MS4A12: variants seen among roughly 807,000 people sequenced by gnomAD.
MS4A12 encodes membrane spanning 4-domains A12.
MS4A12 carries 28 observed loss-of-function variants against 23.7 expected under a neutral mutation model. The observed-to-expected ratio is 1.18, with a 90% confidence interval of 0.88 to 1.62. The LOEUF is 1.62. Among genes scored for constraint, MS4A12 ranks in the 40% most tolerant of loss-of-function variants. The pLI is 0.00. For missense variants in MS4A12, 342 were observed against 327.0 expected (o/e 1.05, Z -0.35); for synonymous variants, 108 against 110.1 (o/e 0.98, Z 0.12).
intron 2 of MS4A12, among the ~76,000 whole-genome samples, chr11:60,499,854 A>G (rs2086516707): frequency 1.3e-5 from 2 of 152,230 alleles, no homozygotes; most frequent in African/African-American, 4.8e-5. Flanking sequence ...ATCTTTATTT[A>G]CAATGAAGGA....
chr11:60,497,589 C>G lies in MS4A12; in HGVS notation c.271C>G (p.Leu91Val), dbSNP rs78337068. ...VMNFKEEAKA[L>V]GVIQIMVGLM... ...GAACTTTAAAGAAGAAGCAAAGGCA[C>G]TAGGGGTAAGTCTATTTACTACCAG... Residue 91 changes from leucine (L) to valine (V), a missense_variant, in exon 2 of 7, where the codon CTA becomes GTA. By Grantham distance (32) the Leu-to-Val change is conservative. Transcript: ENST00000016913. 1.2e-4 allele frequency: 199 copies of G among 1,613,916 alleles called. No individual in the cohort carries two copies. The East Asian group carries it at 3.7e-3, about 30-fold the overall frequency.
At chr11:60,501,427 C>G (rs80178357) in intron 3 of MS4A12, among the ~76,000 whole-genome samples, 1 of 152,092 alleles carries the variant, frequency 6.6e-6, no homozygotes, top group Non-Finnish European at 1.5e-5. Context: ...GGAGCTTATT[C>G]CATTCTTTAA....
chr11:60,495,628 A>T (rs1415720684), intron 1 of MS4A12, among the ~76,000 whole-genome samples: 1 of 152,154 alleles, frequency 6.6e-6, no homozygotes, highest in Non-Finnish European at 1.5e-5. Context: ...TCTATTTTAC[A>T]GACAGAAAAC....
rs1190923139 is a variant in MS4A12, at chr11:60,497,406, T to G, written c.88T>G (p.Phe30Val). The G allele has an allele frequency of 6.2e-7, 1 of 1,614,068 alleles. No homozygotes were observed. Among genetic ancestry groups the G allele is most frequent in the Non-Finnish European group, 8.5e-7 (1 of 1,180,046 alleles). ...YPPSSFMAPGFQQPLGSINLE... is the reference protein window; with the variant it reads ...YPPSSFMAPGVQQPLGSINLE... ...ACCAAGCAGCTTTATGGCTCCTGGA[T>G]TTCAACAGCCTCTGGGTTCAATCAA... Residue 30 changes from phenylalanine (F) to valine (V), a missense_variant, in exon 2 of 7, where the codon TTT (phenylalanine) becomes GTT (valine). Transcript: ENST00000016913.
intron 2 of MS4A12, among the ~76,000 whole-genome samples, chr11:60,498,606 C>T (rs1428757126): frequency 1.3e-4 from 20 of 152,124 alleles, no homozygotes; most frequent in East Asian, 3.9e-4. Context: ...ACAGAACTTA[C>T]GCCCTAGAGG....
rs752914268 is a variant in MS4A12, at chr11:60,506,678, G to T, written c.589-50G>T. 13 of 1,472,410 alleles carry T rather than the reference G, an allele frequency of 8.8e-6. No homozygotes were observed. The South Asian group carries it at 1.2e-4, about 13-fold the overall frequency. 91.2% of individuals were successfully genotyped at this position (1,472,410 alleles called of 1,614,324 possible). A position where few individuals can be genotyped will look rare whatever the true frequency, so the allele number is the denominator to read the frequency against. On this transcript the variant is annotated intron_variant, in intron 5 of 6. Coordinates refer to ENST00000016913, the MANE Select transcript of MS4A12 (RefSeq NM_017716.3). ...GAGTCAATAACTTTTTGAAGCCCAC[G>T]TGAGGCCCTCCTGATTAGCCAAAAT... is the stretch of plus-strand genomic sequence containing the variant.
intron 4 of MS4A12, among the ~76,000 whole-genome samples, chr11:60,503,407 T>C (rs2086545621): frequency 6.6e-6 from 1 of 152,200 alleles, no homozygotes; most frequent in Non-Finnish European, 1.5e-5. Context: ...CATTTTTTTA[T>C]AAAGAAAATA....
intron 2 of MS4A12, among the ~76,000 whole-genome samples, chr11:60,499,331 A>C (rs2086513009): frequency 6.6e-6 from 1 of 152,236 alleles, no homozygotes; most frequent in Non-Finnish European, 1.5e-5. Flanking sequence ...AGTAGATGGT[A>C]CAGCCAGGGC....
chr11:60,498,029 A>C (rs1372270916), intron 2 of MS4A12: 1 of 167,346 alleles, frequency 6.0e-6, no homozygotes, highest in Non-Finnish European at 1.3e-5. Flanking sequence ...GTGTGAAAGA[A>C]TTGGGGGACA....
intron 1 of MS4A12, among the ~76,000 whole-genome samples, chr11:60,496,110 A>C (rs994492727): frequency 6.6e-6 from 1 of 152,242 alleles, no homozygotes; most frequent in Admixed American, 6.5e-5. Flanking sequence ...GGAATGAGAC[A>C]GGATAAATGG....
intron 3 of MS4A12, among the ~76,000 whole-genome samples, 200 bp downstream of exon 3, chr11:60,501,382 T>A (rs560789962): frequency 6.6e-6 from 1 of 152,238 alleles, no homozygotes; most frequent in South Asian, 2.1e-4. Context: ...TGAATGAGCA[T>A]GAAAAAATCG....
intron 5 of MS4A12, among the ~76,000 whole-genome samples, chr11:60,505,796 G>A (rs2086565913): frequency 6.6e-6 from 1 of 152,158 alleles, no homozygotes; most frequent in Non-Finnish European, 1.5e-5. Flanking sequence ...CAGGACCTCA[G>A]GAGACAGAAG....
chr11:60,506,929 G>C, intron 6 of MS4A12, 91 bp downstream of exon 6: 1 of 1,519,984 alleles, frequency 6.6e-7, no homozygotes, highest in African/African-American at 1.4e-5. Flanking sequence ...CGGCTTACCA[G>C]AATGCTCTTT....
rs1222211165 is a variant in MS4A12 at position 60,507,134 on chromosome 11, A to C, written c.*10A>C. On this transcript the variant is annotated 3_prime_UTR_variant, in exon 7 of 7. Coordinates refer to ENST00000016913, the MANE Select transcript of MS4A12 (RefSeq NM_017716.3). Reference sequence around the variant, plus strand: ...TAATGCCCCTAAATAGTAAAAGAAAAAGGGGTATCAGTCTAATCTCATGGA... The same window carrying C: ...TAATGCCCCTAAATAGTAAAAGAAACAGGGGTATCAGTCTAATCTCATGGA... 2.5e-6 allele frequency: 4 copies of C among 1,589,160 alleles called. No homozygotes were observed. The African/African-American group carries it at 5.4e-5, about 21-fold the overall frequency.
At chr11:60,499,143 AT>A (rs35708030) in intron 2 of MS4A12, among the ~76,000 whole-genome samples, 87,074 of 152,070 alleles carry the variant, frequency 0.57, 25,090 homozygotes, top group East Asian at 0.65. Flanking sequence ...CTCTCTGAAG[AT>A]TTGTTATTTC....
intron 5 of MS4A12, among the ~76,000 whole-genome samples, chr11:60,504,332 C>A (rs2086554669): frequency 1.3e-5 from 2 of 152,276 alleles, no homozygotes; most frequent in East Asian, 3.9e-4. Context: ...TATAGCCAAG[C>A]ATGGACTCTG....
intron 1 of MS4A12, among the ~76,000 whole-genome samples, chr11:60,496,800 T>C (rs1363159142): frequency 2.6e-5 from 4 of 152,230 alleles, no homozygotes; most frequent in Non-Finnish European, 4.4e-5. Context: ...GGGAAGAATC[T>C]GTTTCCTTGT....
At chr11:60,495,860 T>C (rs2086484100) in intron 1 of MS4A12, among the ~76,000 whole-genome samples, 1 of 152,186 alleles carries the variant, frequency 6.6e-6, no homozygotes, top group South Asian at 2.1e-4. Flanking sequence ...CTCCTCTCCA[T>C]GGCATCAGAA....
At chr11:60,504,388 C>T (rs966152238) in intron 5 of MS4A12, among the ~76,000 whole-genome samples, 10 of 152,210 alleles carry the variant, frequency 6.6e-5, no homozygotes, top group African/African-American at 2.2e-4. Flanking sequence ...TGCTTACCAT[C>T]TATAAGGAAT....
Sources: allele counts gnomAD v4.1 joint callset (sites outside exome capture counted in the v4.1 genomes callset), GRCh38; gene constraint gnomAD v4.1.1; transcripts MANE v1.5; gene names NCBI Gene and HGNC (gene_info 2026-07-23, HGNC 2026-07-21).